Variants in NIBAN1 observed in about 807,000 individuals in gnomAD.
The protein encoded by NIBAN1 is niban apoptosis regulator 1.
A neutral mutation model predicts 75.1 loss-of-function variants in NIBAN1; 81 were observed. The ratio of observed to expected loss-of-function variants is 1.08; its 90% confidence interval spans 0.90 to 1.30. The LOEUF (loss-of-function observed/expected upper bound fraction) is 1.30, where lower values mean the gene tolerates loss of function less well. Ranked by LOEUF, NIBAN1 falls within the 50% of genes most tolerant of loss-of-function variation. The pLI, the probability that NIBAN1 is intolerant of heterozygous loss-of-function variation, is 0.00. For missense variants in NIBAN1, 1,133 were observed against 1,128.1 expected, an observed-to-expected ratio of 1.00 and a Z score of -0.06; for synonymous variants, 436 against 424.8, an observed-to-expected ratio of 1.03 and a Z score of -0.32.
At chr1:184,913,165 TGCC>T (rs1657294518) in intron 1 of NIBAN1, among the ~76,000 whole-genome samples, 1 of 149,380 alleles carries the variant, frequency 6.7e-6, no homozygotes, top group South Asian at 2.1e-4. Context: ...TATATATATA[TGCC>T]TTTCATACCA....
rs1242837661 is a variant in NIBAN1, at chr1:184,792,414, C to A, written c.*2563G>T. On this transcript the variant is annotated 3_prime_UTR_variant, in exon 14 of 14. Coordinates refer to ENST00000367511, the MANE Select transcript of NIBAN1 (RefSeq NM_052966.4). ...ACTCTCTTTTAGGGTTGAAAAAAAT[C>A]TCTTAGCTTTCCAGGGGGTGCAAGA... 1 of 152,630 alleles carries A rather than the reference C, an allele frequency of 6.6e-6. No individual in the cohort carries two copies. The highest frequency in any genetic ancestry group is 1.5e-5 in the Non-Finnish European group (1 of 68,086). The allele number at this position is 152,630 out of a possible 1,614,324, so 9.5% of individuals were successfully genotyped here. A position where few individuals can be genotyped will look rare whatever the true frequency, so the allele number is the denominator to read the frequency against.
intron 1 of NIBAN1, among the ~76,000 whole-genome samples, chr1:184,958,626 C>T (rs6424969): frequency 0.49 from 73,879 of 151,966 alleles, 19,367 homozygotes; most frequent in Non-Finnish European, 0.59. Flanking sequence ...AAGATATTTA[C>T]TTGCCTGGCA....
At chr1:184,955,470 C>T (rs1427709051) in intron 1 of NIBAN1, among the ~76,000 whole-genome samples, 1 of 152,002 alleles carries the variant, frequency 6.6e-6, no homozygotes, top group African/African-American at 2.4e-5. Flanking sequence ...TCCCGAGTAG[C>T]TGGGACTACA....
chr1:184,832,533 T>C (rs953276944), intron 5 of NIBAN1, among the ~76,000 whole-genome samples: 2 of 151,924 alleles, frequency 1.3e-5, no homozygotes, highest in African/African-American at 4.8e-5. Flanking sequence ...TCGAGGAGAG[T>C]ATAATTATCC....
chr1:184,922,600 TTTTG>T (rs562545116), intron 1 of NIBAN1, among the ~76,000 whole-genome samples: 193 of 152,232 alleles, frequency 1.3e-3, no homozygotes, highest in Non-Finnish European at 1.7e-3. Context: ...GTTTTTTTGT[TTTTG>T]TTTGTTTGTT....
chr1:184,924,217 C>G (rs184092004), intron 1 of NIBAN1, among the ~76,000 whole-genome samples: 99 of 152,096 alleles, frequency 6.5e-4, no homozygotes, highest in Non-Finnish European at 8.4e-4. Context: ...TGAGGTATGT[C>G]TCTTTTATAC....
intron 5 of NIBAN1, among the ~76,000 whole-genome samples, chr1:184,864,570 T>A (rs1655899216): frequency 6.6e-6 from 1 of 152,094 alleles, no homozygotes; most frequent in Admixed American, 6.5e-5. Flanking sequence ...TTTGGGTTCT[T>A]TTGTTAAGTC....
rs556332767 is a variant in NIBAN1 at position 184,958,164 on chromosome 1, C to T, written c.55+16138G>A. 3.0e-3 allele frequency among the ~76,000 whole-genome samples: 457 copies of T among 152,208 alleles called. 4 individuals are homozygous for T. The highest frequency in any genetic ancestry group is 4.7e-3 in the Non-Finnish European group (321 of 68,000). ...GGTGGATCACTTGAGGTCAGGAGTT[C>T]AAGACCAGCCTGGCCAACATAGTGA... On this transcript the variant is annotated intron_variant, in intron 1 of 13. Transcript: ENST00000367511.
intron 5 of NIBAN1, among the ~76,000 whole-genome samples, chr1:184,858,145 A>C (rs1399117119): frequency 6.6e-6 from 1 of 151,152 alleles, no homozygotes; most frequent in East Asian, 2.1e-4. Context: ...ATAACACATG[A>C]GCAATGAATT....
At position 184,798,184 on chromosome 1, in the gene NIBAN1, G is replaced by A; in HGVS notation, c.1561C>T (p.Gln521Ter). Residue 521 changes from glutamine (Q) to a stop codon, truncating the protein, a stop_gained, in exon 13 of 14, where the codon CAG becomes TAG. Transcript: ENST00000367511. LOFTEE classifies it high-confidence loss of function. ...ALASTCKPELQKYEQFIFADH... is the reference protein window; with the variant it reads ...ALASTCKPEL Reference sequence around the variant, plus strand: ...GCAAAGATGAACTGCTCGTATTTCTGAAGCTCCTGGAGAGCAAGAGATTAG... The same window carrying A: ...GCAAAGATGAACTGCTCGTATTTCTAAAGCTCCTGGAGAGCAAGAGATTAG... The A allele has an allele frequency of 6.3e-7, 1 of 1,597,050 alleles. No individual in the cohort carries two copies. The highest frequency in any genetic ancestry group is 1.1e-5 in the South Asian group (1 of 89,964).
At chr1:184,906,539 A>T (rs990400926) in intron 1 of NIBAN1, among the ~76,000 whole-genome samples, 2 of 152,132 alleles carry the variant, frequency 1.3e-5, no homozygotes, top group South Asian at 4.1e-4. Context: ...CTGAGGAAGG[A>T]GAATAGCTTG....
At chr1:184,927,875 A>C (rs116540242) in intron 1 of NIBAN1, among the ~76,000 whole-genome samples, 2 of 151,814 alleles carry the variant, frequency 1.3e-5, no homozygotes, top group African/African-American at 4.8e-5. Context: ...CACAAGACCA[A>C]ATCTTTTACA....
rs35493382 is a variant in NIBAN1 at position 184,791,490 on chromosome 1, CT to C, written c.*3486del. ...ATCTTACCCTGGTAGTCTCCAAAAT[CT>C]TTTTTTTTTTTTTTTAAAGAAAGTT... is the stretch of plus-strand genomic sequence containing the variant. On this transcript the variant is annotated 3_prime_UTR_variant, in exon 14 of 14. Coordinates refer to ENST00000367511, the MANE Select transcript of NIBAN1 (RefSeq NM_052966.4). 57,438 of 141,582 alleles carry C rather than the reference CT, an allele frequency of 0.41. 11,594 individuals are homozygous for C. Among genetic ancestry groups the C allele is most frequent in the East Asian group, 0.53 (2,605 of 4,900 alleles). The allele number at this position is 141,582 out of a possible 1,614,324, so 8.8% of individuals were successfully genotyped here.
rs542229949 is a variant in NIBAN1 at position 184,910,982 on chromosome 1, T to C, written c.56-11673A>G. On this transcript the variant is annotated intron_variant, in intron 1 of 13. Transcript: ENST00000367511. ...CAGACTAGAACTGCATCATCAGCTT[T>C]CCTGGGCCTCCAGCTTACCAGCTGC... 3.9e-5 allele frequency among the ~76,000 whole-genome samples: 6 copies of C among 152,256 alleles called. No individual in the cohort carries two copies. In the South Asian group the frequency reaches 1.2e-3, roughly 32 times the overall value.
chr1:184,918,193 T>C (rs1657443496), intron 1 of NIBAN1, among the ~76,000 whole-genome samples: 1 of 152,172 alleles, frequency 6.6e-6, no homozygotes, highest in Non-Finnish European at 1.5e-5. Context: ...TCTCCTCCTC[T>C]AGGTGCCACA....
intron 7 of NIBAN1, 61 bp from the exon 8 acceptor site, chr1:184,823,390 A>G (rs1654757170): frequency 1.3e-6 from 2 of 1,585,316 alleles, no homozygotes; most frequent in Non-Finnish European, 1.7e-6. Context: ...GATGGAGTCA[A>G]GTGGAGGGAG....
intron 1 of NIBAN1, among the ~76,000 whole-genome samples, chr1:184,963,395 A>T (rs1407641294): frequency 6.6e-6 from 1 of 152,182 alleles, no homozygotes; most frequent in African/African-American, 2.4e-5. Flanking sequence ...GTTTGCTGTC[A>T]TTCTTATTGC....
rs755493624 is a variant in NIBAN1, at chr1:184,808,121, G to A, written c.1288C>T (p.Pro430Ser). The A allele has an allele frequency of 7.4e-6, 12 of 1,613,952 alleles. No individual in the cohort carries two copies. The South Asian group carries it at 1.2e-4, about 16-fold the overall frequency. The part of the protein sequence containing the change: ...LQDLKSRFRF[P>S]HIDLVVQRTQ... ...CTCTGAACCACCAGATCAATGTGGGGGAATCTGAAGCGGCTCTTGAGATCC... is the reference window on the plus strand; with the variant it reads ...CTCTGAACCACCAGATCAATGTGGGAGAATCTGAAGCGGCTCTTGAGATCC... Residue 430 changes from proline to serine, a missense_variant, in exon 10 of 14, where the codon CCC (proline) becomes TCC (serine). Transcript: ENST00000367511.
intron 1 of NIBAN1, among the ~76,000 whole-genome samples, chr1:184,955,910 TCCTCCACTGTCTATCTG>T (rs1269791178): frequency 8.5e-5 from 13 of 152,098 alleles, no homozygotes; most frequent in African/African-American, 3.1e-4. Context: ...ACCCACATAA[TCCTCCACTGTCTATCTG>T]CCCTTATCTG....
Sources: gnomAD v4.1 joint callset for allele counts (sites outside exome capture counted in the v4.1 genomes callset) on GRCh38, gnomAD v4.1.1 for gene constraint, MANE v1.5 for transcripts, NCBI Gene and HGNC (gene_info 2026-07-23, HGNC 2026-07-21) for gene names.